Variants in IGFBP5 observed in about 807,000 individuals in gnomAD.
IGFBP5 encodes the protein insulin like growth factor binding protein 5, also known as insulin-like growth factor-binding protein 5.
In IGFBP5, 12 loss-of-function variants were observed where a neutral mutation model predicts 28.0. The observed-to-expected ratio is 0.43, with a 90% confidence interval of 0.27 to 0.69. The LOEUF (loss-of-function observed/expected upper bound fraction) is 0.69, where lower values mean the gene tolerates loss of function less well. IGFBP5 is among the 30% of genes least tolerant of loss of function. The pLI is 0.20. For missense variants in IGFBP5, 344 were observed against 381.6 expected (o/e 0.90, Z 0.82); for synonymous variants, 152 against 150.2 (o/e 1.01, Z -0.09).
intron 2 of IGFBP5, 53 bp downstream of exon 2, chr2:216,678,797 A>T: frequency 6.9e-7 from 1 of 1,443,000 alleles, no homozygotes; most frequent in Admixed American, 1.9e-5. Context: ...GTCCATTTAG[A>T]TGCAGGAAAA....
chr2:216,694,509 CG>C lies in IGFBP5; in HGVS notation c.266del (p.Pro89ArgfsTer59). The C allele has an allele frequency of 6.3e-7, 1 of 1,589,238 alleles. No individual in the cohort carries two copies. The highest frequency in any genetic ancestry group is 8.5e-7 in the Non-Finnish European group (1 of 1,170,978). On this transcript the variant is annotated frameshift_variant, in exon 1 of 4. Transcript: ENST00000233813. LOFTEE classifies it high-confidence loss of function. The surrounding 1 kb of genome is among the most constrained non-coding windows in gnomAD (Gnocchi z 5.2). ...CGCGGCCGTGCAGCAGGGCGTGCAG[CG>C]GCTTCTCCTCGTCCTGCCGGGGGAG... ...RCLPRQDEEK[P>X]LHALLHGRGV...
chr2:216,684,155 T>C (rs1689009833), intron 1 of IGFBP5, among the ~76,000 whole-genome samples: 1 of 152,192 alleles, frequency 6.6e-6, no homozygotes, highest in Admixed American at 6.5e-5. Flanking sequence ...GCACAACGCA[T>C]GTACCCTGCC....
chr2:216,692,178 C>T lies in IGFBP5; in HGVS notation c.337+2261G>A, dbSNP rs1431749046. ...TGTCGGCACCAGCAGCGGTGGAGCG[C>T]CGCCAACCCGCAACAGCAGCCGGCC... On this transcript the variant is annotated intron_variant, in intron 1 of 3. Coordinates refer to ENST00000233813, the MANE Select transcript of IGFBP5 (RefSeq NM_000599.4). The surrounding 1 kb of genome is among the most constrained non-coding windows in gnomAD (Gnocchi z 4.2). Among the ~76,000 whole-genome samples, 2 of 152,148 alleles carry T rather than the reference C, an allele frequency of 1.3e-5. No individual in the cohort carries two copies. The highest frequency in any genetic ancestry group is 3.9e-4 in the East Asian group (2 of 5,186).
At chr2:216,676,976 C>A in intron 3 of IGFBP5, 94 bp from the exon 4 acceptor site, 2 of 1,421,598 alleles carry the variant, frequency 1.4e-6, no homozygotes, top group Non-Finnish European at 1.9e-6. Flanking sequence ...AGGCAAGACT[C>A]TCATCCCCAG....
At chr2:216,691,510 G>A (rs1221214934) in intron 1 of IGFBP5, among the ~76,000 whole-genome samples, 3 of 152,052 alleles carry the variant, frequency 2.0e-5, no homozygotes, top group Non-Finnish European at 4.4e-5. Flanking sequence ...TCTCCCTCCA[G>A]CCTCACACAC....
intron 1 of IGFBP5, among the ~76,000 whole-genome samples, chr2:216,693,687 C>A (rs563565413): frequency 6.6e-6 from 1 of 152,246 alleles, no homozygotes; most frequent in South Asian, 2.1e-4. Context: ...TCCCCACCCC[C>A]ACCCCGCACC....
chr2:216,684,042 C>T (rs1382250542), intron 1 of IGFBP5, among the ~76,000 whole-genome samples: 3 of 152,188 alleles, frequency 2.0e-5, no homozygotes, highest in Non-Finnish European at 4.4e-5. Context: ...AGGATTGCAC[C>T]ATCCTCTATG....
intron 1 of IGFBP5, among the ~76,000 whole-genome samples, chr2:216,685,337 A>G (rs1456420822): frequency 6.6e-6 from 1 of 152,092 alleles, no homozygotes; most frequent in Non-Finnish European, 1.5e-5. Flanking sequence ...TTAAATAAAT[A>G]TTAAATAAAA....
In IGFBP5 at chr2:216,679,015, G is replaced by A. The variant is rs1475407907; in HGVS notation, c.402C>T (p.Pro134=). Residue 134 remains proline, a synonymous_variant, in exon 2 of 4, where the codon CCC becomes CCT. Transcript: ENST00000233813. The surrounding 1 kb of genome is among the most constrained non-coding windows in gnomAD (Gnocchi z 4.6). ...GGGTGTGTTTGGGCCGGAAGATCTT[G>A]GGGGAGTAGGTCTCCTCGGCCATCT... is the stretch of plus-strand genomic sequence containing the variant. ...TSEMAEETYS[P]KIFRPKHTRI... 6 of 1,614,130 alleles carry A rather than the reference G, an allele frequency of 3.7e-6. No homozygotes were observed. In the Admixed American group the frequency reaches 8.3e-5, roughly 22 times the overall value.
chr2:216,683,162 A>G (rs923315401), intron 1 of IGFBP5, among the ~76,000 whole-genome samples: 3 of 152,168 alleles, frequency 2.0e-5, no homozygotes, highest in African/African-American at 7.2e-5. Flanking sequence ...CTACAAAAAA[A>G]ACACAAAAAT....
Position 216,695,020 on chromosome 2 carries a change from G to A in IGFBP5, c.-245C>T, listed in dbSNP as rs374574259. The A allele has an allele frequency of 2.8e-6, 1 of 362,106 alleles. No individual in the cohort carries two copies. The highest frequency in any genetic ancestry group is 2.1e-5 in the African/African-American group (1 of 48,004). The allele number at this position is 362,106 out of a possible 1,614,324, so 22.4% of individuals were successfully genotyped here. A position where few individuals can be genotyped will look rare whatever the true frequency, so the allele number is the denominator to read the frequency against. ...CTTGCAACAGGTTGGGGGAAGCAGGGCAGCGCCAGGTGCACGCAGTGAGCG... is the reference window on the plus strand; with the variant it reads ...CTTGCAACAGGTTGGGGGAAGCAGGACAGCGCCAGGTGCACGCAGTGAGCG... On this transcript the variant is annotated 5_prime_UTR_variant, in exon 1 of 4. Coordinates refer to ENST00000233813, the MANE Select transcript of IGFBP5 (RefSeq NM_000599.4).
In IGFBP5 at chr2:216,692,766, T is replaced by C. The variant is rs942224235; in HGVS notation, c.337+1673A>G. 2.0e-5 allele frequency among the ~76,000 whole-genome samples: 3 copies of C among 151,990 alleles called. No homozygotes were observed. Among genetic ancestry groups the C allele is most frequent in the Non-Finnish European group, 2.9e-5 (2 of 67,958 alleles). On this transcript the variant is annotated intron_variant, in intron 1 of 3. Transcript: ENST00000233813. This position sits in a 1 kb window ranked among gnomAD's most constrained non-coding sequence, Gnocchi z 4.2. ...TTTCCTCTTTTTGCAGGCTGCAACCTGCAAAAAGATCGACTTTTTGCAGGT... is the reference window on the plus strand; with the variant it reads ...TTTCCTCTTTTTGCAGGCTGCAACCCGCAAAAAGATCGACTTTTTGCAGGT...
intron 1 of IGFBP5, among the ~76,000 whole-genome samples, chr2:216,690,733 C>CG (rs1399134557): frequency 9.4e-5 from 2 of 21,348 alleles, no homozygotes; most frequent in Non-Finnish European, 1.8e-4. Flanking sequence ...GGTGGGGGGT[C>CG]GGGGGGTGGA....
intron 1 of IGFBP5, among the ~76,000 whole-genome samples, chr2:216,683,836 A>G (rs1346957193): frequency 1.3e-5 from 2 of 152,144 alleles, no homozygotes; most frequent in Non-Finnish European, 2.9e-5. Flanking sequence ...GGTGGGATCT[A>G]AATCTCTGGC....
chr2:216,690,892 T>TGGGCGG (rs1183653694), intron 1 of IGFBP5, among the ~76,000 whole-genome samples: 6 of 8,148 alleles, frequency 7.4e-4, no homozygotes, highest in East Asian at 8.5e-3. Context: ...GGGGGCGGGG[T>TGGGCGG]GGGCGGGGGC....
At chr2:216,683,004 G>A (rs987853835) in intron 1 of IGFBP5, among the ~76,000 whole-genome samples, 1 of 151,622 alleles carries the variant, frequency 6.6e-6, no homozygotes, top group Non-Finnish European at 1.5e-5. Flanking sequence ...CACCAAGCCC[G>A]GCCTGGAAGT....
chr2:216,690,786 G>A (rs11575136), intron 1 of IGFBP5, among the ~76,000 whole-genome samples: 4,585 of 151,278 alleles, frequency 0.03, 224 homozygotes, highest in African/African-American at 0.11. Context: ...GGGTGAGAAA[G>A]GGGAAAAAGA....
chr2:216,690,884 G>GAT (rs1689087165), intron 1 of IGFBP5, among the ~76,000 whole-genome samples: 3 of 137,126 alleles, frequency 2.2e-5, no homozygotes, highest in Non-Finnish European at 4.8e-5. Flanking sequence ...GGGGGAGGGG[G>GAT]GGCGGGGTGG....
chr2:216,693,514 A>G (rs1689126777), intron 1 of IGFBP5, among the ~76,000 whole-genome samples: 1 of 152,000 alleles, frequency 6.6e-6, no homozygotes, highest in Non-Finnish European at 1.5e-5. Context: ...AGGAATCTGC[A>G]TAGGCGAGGA....
Sources: allele counts gnomAD v4.1 joint callset (sites outside exome capture counted in the v4.1 genomes callset), GRCh38; gene constraint gnomAD v4.1.1; non-coding constraint Gnocchi (gnomAD v3.1); transcripts MANE v1.5; gene names NCBI Gene and HGNC (gene_info 2026-07-23, HGNC 2026-07-21).